Variants in PRKCE observed in about 807,000 individuals in gnomAD.
PRKCE encodes protein kinase C epsilon type.
PRKCE carries 16 observed loss-of-function variants against 85.4 expected under a neutral mutation model. That is an observed-to-expected ratio of 0.19 (90% CI 0.13 to 0.28). The LOEUF is 0.28. Among genes scored for constraint, PRKCE ranks in the 10% least tolerant of loss-of-function variants. PRKCE has a pLI of 1.00. For synonymous variants in PRKCE, 388 were observed against 371.5 expected, an observed-to-expected ratio of 1.04 and a Z score of -0.51; for missense variants, 573 against 975.2, an observed-to-expected ratio of 0.59 and a Z score of 5.49.
At chr2:45,831,093 G>A (rs1690386124) in intron 1 of PRKCE, among the ~76,000 whole-genome samples, 1 of 152,224 alleles carries the variant, frequency 6.6e-6, no homozygotes, top group Non-Finnish European at 1.5e-5. Context: ...CACCCTCCGA[G>A]AAAAGAATGC....
intron 2 of PRKCE, among the ~76,000 whole-genome samples, chr2:45,953,028 T>C (rs1468785819): frequency 6.6e-6 from 1 of 152,154 alleles, no homozygotes; most frequent in African/African-American, 2.4e-5. Context: ...TACTGAGTAG[T>C]GTTTGAGATA....
chr2:45,681,094 G>A (rs558774847), intron 1 of PRKCE, among the ~76,000 whole-genome samples: 35 of 151,922 alleles, frequency 2.3e-4, no homozygotes, highest in Non-Finnish European at 4.7e-4. Context: ...TTCAAGACCA[G>A]CCTGGCCAAG....
At chr2:45,712,129 G>A (rs916596303) in intron 1 of PRKCE, among the ~76,000 whole-genome samples, 4 of 144,916 alleles carry the variant, frequency 2.8e-5, no homozygotes, top group African/African-American at 1.0e-4. Flanking sequence ...GCCACTCTAC[G>A]GCCTGTCCTT....
intron 2 of PRKCE, among the ~76,000 whole-genome samples, chr2:45,919,998 C>G (rs1258643162): frequency 1.3e-5 from 2 of 152,170 alleles, no homozygotes; most frequent in African/African-American, 4.8e-5. Context: ...TTCTTTCATC[C>G]TGGCCCTGCC....
chr2:46,148,890 C>T (rs1020915149), intron 12 of PRKCE, among the ~76,000 whole-genome samples: 1 of 152,162 alleles, frequency 6.6e-6, no homozygotes, highest in African/African-American at 2.4e-5. Context: ...ATAGCAGAAT[C>T]ACTGGCTCCT....
rs187700441 is a variant in PRKCE, at chr2:45,926,286, G to A, written c.413-50143G>A. Among the ~76,000 whole-genome samples, 185 of 152,314 alleles carry A rather than the reference G, an allele frequency of 1.2e-3. 1 individual carries two copies. The highest frequency in any genetic ancestry group is 4.4e-3 in the African/African-American group (182 of 41,566). Reference sequence around the variant, plus strand: ...CATGGCAAGAGGAATATGGGCAGAGGGGGGAATCAGTGCTTTGTTTCAGGG... The same window carrying A: ...CATGGCAAGAGGAATATGGGCAGAGAGGGGAATCAGTGCTTTGTTTCAGGG... On this transcript the variant is annotated intron_variant, in intron 2 of 14. Coordinates refer to ENST00000306156, the MANE Select transcript of PRKCE (RefSeq NM_005400.3).
intron 6 of PRKCE, among the ~76,000 whole-genome samples, chr2:45,985,950 A>G (rs144671080): frequency 1.2e-4 from 18 of 152,364 alleles, no homozygotes; most frequent in Non-Finnish European, 2.5e-4. Context: ...AATTAAAGCT[A>G]TAAAGTCAAT....
At chr2:45,968,604 C>G (rs1328033244) in intron 2 of PRKCE, among the ~76,000 whole-genome samples, 1 of 152,166 alleles carries the variant, frequency 6.6e-6, no homozygotes, top group African/African-American at 2.4e-5. Context: ...AACCAAAAAC[C>G]ATTTGTATCG....
intron 1 of PRKCE, among the ~76,000 whole-genome samples, chr2:45,700,242 G>A (rs1256797898): frequency 6.6e-6 from 1 of 151,946 alleles, no homozygotes; most frequent in African/African-American, 2.4e-5. Flanking sequence ...TTTTTTCTTT[G>A]CAGCACTCGA....
At position 46,138,122 on chromosome 2, in the gene PRKCE, G is replaced by A. The variant is rs1410346087; in HGVS notation, c.1593-6971G>A. ...CATTGTTTAGGGAATTTCCTTTCTT[G>A]TCATGTTGTGATTTTCTGGAAGAGA... is the stretch of plus-strand genomic sequence containing the variant. On this transcript the variant is annotated intron_variant, in intron 11 of 14. Transcript: ENST00000306156. This position sits in a 1 kb window ranked among gnomAD's most constrained non-coding sequence, Gnocchi z 4.2. 6.6e-5 allele frequency among the ~76,000 whole-genome samples: 10 copies of A among 151,958 alleles called. No homozygotes were observed. The highest frequency in any genetic ancestry group is 2.4e-4 in the African/African-American group (10 of 41,352).
intron 1 of PRKCE, among the ~76,000 whole-genome samples, chr2:45,672,470 A>G (rs1676222173): frequency 6.6e-6 from 1 of 152,142 alleles, no homozygotes; most frequent in South Asian, 2.1e-4. Flanking sequence ...AGCCAGCTGG[A>G]CAGCCAGGCA....
At chr2:46,089,073 C>T (rs989332089) in intron 11 of PRKCE, among the ~76,000 whole-genome samples, 2 of 152,206 alleles carry the variant, frequency 1.3e-5, no homozygotes, top group African/African-American at 2.4e-5. Context: ...GCCCTGTTGG[C>T]TTCTATGAGC....
intron 2 of PRKCE, among the ~76,000 whole-genome samples, chr2:45,922,626 C>T (rs1163170224): frequency 6.6e-6 from 1 of 152,236 alleles, no homozygotes; most frequent in East Asian, 1.9e-4. Context: ...GGCCCAATCT[C>T]TGCCCAGCAG....
At chr2:46,006,162 T>C (rs1352932056) in intron 8 of PRKCE, among the ~76,000 whole-genome samples, 1 of 152,230 alleles carries the variant, frequency 6.6e-6, no homozygotes. Context: ...TGAGCGACAT[T>C]ATTACAGAAC....
chr2:45,835,821 C>T (rs1438338887), intron 1 of PRKCE, among the ~76,000 whole-genome samples: 1 of 152,124 alleles, frequency 6.6e-6, no homozygotes, highest in African/African-American at 2.4e-5. Flanking sequence ...TCTTGAACTC[C>T]TGGCTTGAAG....
chr2:45,904,730 G>A (rs1401506424), intron 2 of PRKCE, among the ~76,000 whole-genome samples: 1 of 152,178 alleles, frequency 6.6e-6, no homozygotes, highest in Non-Finnish European at 1.5e-5. Flanking sequence ...CCGGTTGCCT[G>A]GGCCACCTGT....
At position 45,896,087 on chromosome 2, in the gene PRKCE, G is replaced by C. The variant is rs1696118298; in HGVS notation, c.412+53024G>C. On this transcript the variant is annotated intron_variant, in intron 2 of 14. Transcript: ENST00000306156. The stretch of plus-strand genomic sequence containing the variant: ...GCCCCTTTGAGGTGTAAGCATATCT[G>C]GGTCTTGGTCCTTCAACCTGGCTGT... Among the ~76,000 whole-genome samples, 5 of 152,210 alleles carry C rather than the reference G, an allele frequency of 3.3e-5. No homozygotes were observed. In the South Asian group the frequency reaches 1.0e-3, roughly 32 times the overall value.
At chr2:45,783,807 T>C (rs910054912) in intron 1 of PRKCE, among the ~76,000 whole-genome samples, 2 of 152,176 alleles carry the variant, frequency 1.3e-5, no homozygotes, top group Admixed American at 6.5e-5. Flanking sequence ...GTGTGCAAGC[T>C]CTAGAGCCCT....
chr2:46,170,992 C>T (rs936710739), intron 14 of PRKCE, among the ~76,000 whole-genome samples: 6 of 152,178 alleles, frequency 3.9e-5, no homozygotes, highest in Admixed American at 2.0e-4. Context: ...AGCAATAAGA[C>T]GGCTTTAAAA....
Sources: gnomAD v4.1 joint callset for allele counts (sites outside exome capture counted in the v4.1 genomes callset) on GRCh38, gnomAD v4.1.1 for gene constraint, Gnocchi (gnomAD v3.1) non-coding constraint, MANE v1.5 for transcripts, NCBI Gene and HGNC (gene_info 2026-07-23, HGNC 2026-07-21) for gene names.